FIS1: variants seen among roughly 807,000 people sequenced by gnomAD.
The protein encoded by FIS1 is mitochondrial fission 1 protein.
In FIS1, 16 loss-of-function variants were observed where a neutral mutation model predicts 21.6. That is an observed-to-expected ratio of 0.74 (90% confidence interval 0.50 to 1.12). FIS1 has a LOEUF of 1.12. FIS1 is among the 50% of genes most tolerant of loss of function. FIS1 has a pLI of 0.00. For synonymous variants in FIS1, 92 were observed against 82.2 expected, an observed-to-expected ratio of 1.12 and a Z score of -0.65; for missense variants, 198 against 190.9, an observed-to-expected ratio of 1.04 and a Z score of -0.22.
At chr7:101,239,998 C>T (rs1798717416) in intron 4 of FIS1, 95 bp from the exon 5 acceptor site, 3 of 1,424,938 alleles carry the variant, frequency 2.1e-6, no homozygotes, top group South Asian at 1.2e-5. Context: ...GAGGCACACC[C>T]CTACCTGGAG....
chr7:101,244,794 T>G (rs940500791), intron 1 of FIS1, 166 bp downstream of exon 1: 1 of 761,286 alleles, frequency 1.3e-6, no homozygotes, highest in Admixed American at 2.3e-5. Context: ...CTCTGCGGCA[T>G]AGCAGGCCCT....
intron 3 of FIS1, among the ~76,000 whole-genome samples, 173 bp downstream of exon 3, chr7:101,240,657 T>C (rs1055607878): frequency 6.6e-6 from 1 of 152,140 alleles, no homozygotes; most frequent in Non-Finnish European, 1.5e-5. Context: ...TGACGTCACC[T>C]TCCTCCCCAC....
At chr7:101,241,979 A>C (rs1397904989) in intron 2 of FIS1, among the ~76,000 whole-genome samples, 2 of 150,782 alleles carry the variant, frequency 1.3e-5, no homozygotes, top group Non-Finnish European at 3.0e-5. Flanking sequence ...TCGCTCTGTC[A>C]CTCCAGTCTG....
At chr7:101,241,663 T>TTA (rs1798752161) in intron 2 of FIS1, 1 of 137,370 alleles carries the variant, frequency 7.3e-6, no homozygotes, top group Admixed American at 7.3e-5. Context: ...TTTTTTTTTT[T>TTA]AAAGAGACAG....
rs1798787825 is a variant in FIS1 at position 101,244,482 on chromosome 7, A to G, written c.46-343T>C. On this transcript the variant is annotated intron_variant, in intron 1 of 4. Transcript: ENST00000223136. ...CAACAGCCCACGCGGTCCTCATTTGAGGCTGCTGGCCCCATCCTGCCCCAC... is the reference window on the plus strand; with the variant it reads ...CAACAGCCCACGCGGTCCTCATTTGGGGCTGCTGGCCCCATCCTGCCCCAC... The G allele has an allele frequency of 1.7e-5, 6 of 343,872 alleles. No homozygotes were observed. In the South Asian group the frequency reaches 2.3e-4, roughly 13 times the overall value. 21.3% of individuals were successfully genotyped at this position (343,872 alleles called of 1,614,324 possible). A position where few individuals can be genotyped will look rare whatever the true frequency, so the allele number is the denominator to read the frequency against.
chr7:101,240,573 C>T (rs1443977232), intron 3 of FIS1, among the ~76,000 whole-genome samples: 1 of 152,212 alleles, frequency 6.6e-6, no homozygotes, highest in African/African-American at 2.4e-5. Flanking sequence ...CCCCACCCCA[C>T]GGAGTAGAGT....
chr7:101,240,369 G>A, intron 3 of FIS1, 122 bp from the exon 4 acceptor site: 3 of 910,452 alleles, frequency 3.3e-6, no homozygotes, highest in Non-Finnish European at 5.0e-6. Context: ...CGCAATCACA[G>A]CCCACTGCAA....
Position 101,243,958 on chromosome 7 carries a change from C to T in FIS1, c.178+49G>A, listed in dbSNP as rs777563634. 3.2e-6 allele frequency: 5 copies of T among 1,573,358 alleles called. No homozygotes were observed. The East Asian group carries it at 1.1e-4, about 36-fold the overall frequency. On this transcript the variant is annotated intron_variant, in intron 2 of 4. Transcript: ENST00000223136. Reference sequence around the variant, plus strand: ...GGTGCCTGGACTACGGGGCCCACATCGCAGAGCAGCCCAGATGGCAGCGGG... The same window carrying T: ...GGTGCCTGGACTACGGGGCCCACATTGCAGAGCAGCCCAGATGGCAGCGGG...
chr7:101,239,742 G>T lies in FIS1; in HGVS notation c.*64C>A. ...AGAGACGGGGGGCAGGGGGAGAACAGGGAAAGGACAGCGAGGATGGACAGG... is the reference window on the plus strand; with the variant it reads ...AGAGACGGGGGGCAGGGGGAGAACATGGAAAGGACAGCGAGGATGGACAGG... On this transcript the variant is annotated 3_prime_UTR_variant, in exon 5 of 5. Transcript: ENST00000223136. The T allele has an allele frequency of 7.3e-7, 1 of 1,377,920 alleles. No individual in the cohort carries two copies. The allele number at this position is 1,377,920 out of a possible 1,614,324, so 85.4% of individuals were successfully genotyped here. A position where few individuals can be genotyped will look rare whatever the true frequency, so the allele number is the denominator to read the frequency against.
Position 101,240,838 on chromosome 7 carries a change from G to C in FIS1, c.247C>G (p.Arg83Gly). The change falls in exon 3 of 5, where the codon CGG becomes GGG. Residue 83 changes from arginine to glycine, a missense_variant. By Grantham distance (125) the Arg-to-Gly change is moderately radical (BLOSUM62 -2). Transcript: ENST00000223136. The stretch of plus-strand genomic sequence containing the variant: ...CGGGGTCCCCACCTCACCTTGAGCC[G>C]GTAGTTCCCCACGGCCAGGTAGAAG... ...YVFYLAVGNY[R>G]LKEYEKALKY... 1 of 1,613,914 alleles carries C rather than the reference G, an allele frequency of 6.2e-7. No individual in the cohort carries two copies. The highest frequency in any genetic ancestry group is 8.5e-7 in the Non-Finnish European group (1 of 1,180,030).
At chr7:101,240,346 T>G in intron 3 of FIS1, 99 bp from the exon 4 acceptor site, 1 of 1,241,290 alleles carries the variant, frequency 8.1e-7, no homozygotes, top group Non-Finnish European at 1.2e-6. Flanking sequence ...TTGCCCACGC[T>G]GGACGGCAGC....
Position 101,239,642 on chromosome 7 carries a change from C to T in FIS1, c.*164G>A, listed in dbSNP as rs1463324676. ...AAGCCACAGCCCCGTTTTATTTACA[C>T]TCATCCCAAAGCACATGATGGGGCT... On this transcript the variant is annotated 3_prime_UTR_variant, in exon 5 of 5. Transcript: ENST00000223136. The T allele has an allele frequency of 1.4e-6, 1 of 700,078 alleles. No individual in the cohort carries two copies. Among genetic ancestry groups the T allele is most frequent in the African/African-American group, 1.8e-5 (1 of 57,118 alleles). The allele number at this position is 700,078 out of a possible 1,614,324, so 43.4% of individuals were successfully genotyped here.
rs145218792 is a variant in FIS1 at position 101,239,509 on chromosome 7, T to C, written c.*297A>G. On this transcript the variant is annotated 3_prime_UTR_variant, in exon 5 of 5. Coordinates refer to ENST00000223136, the MANE Select transcript of FIS1 (RefSeq NM_016068.3). ...GCTGCGGGGTGGACAAAGAACCCCG[T>C]GCCAACCTGGAGGGCAGGGGCAGGA... is the stretch of plus-strand genomic sequence containing the variant. The C allele has an allele frequency of 0.018, 8,374 of 472,124 alleles. 127 individuals carry two copies. Among genetic ancestry groups the C allele is most frequent in the Middle Eastern group, 0.064 (102 of 1,606 alleles). The allele number at this position is 472,124 out of a possible 1,614,324, so 29.2% of individuals were successfully genotyped here. A position where few individuals can be genotyped will look rare whatever the true frequency, so the allele number is the denominator to read the frequency against.
At chr7:101,240,749 C>T (rs1372694359) in intron 3 of FIS1, 81 bp downstream of exon 3, 1 of 1,400,962 alleles carries the variant, frequency 7.1e-7, no homozygotes, top group East Asian at 2.3e-5. Flanking sequence ...TTCCCGCTGT[C>T]CAGGGCTCCA....
At chr7:101,239,945 G>A (rs1798715598) in intron 4 of FIS1, 42 bp from the exon 5 acceptor site, 6 of 1,541,410 alleles carry the variant, frequency 3.9e-6, no homozygotes, top group Non-Finnish European at 4.4e-6. Context: ...CGGCCCCTGC[G>A]GAAACCCTGA....
intron 2 of FIS1, 76 bp downstream of exon 2, chr7:101,243,931 G>C (rs1459856464): frequency 6.6e-7 from 1 of 1,526,702 alleles, no homozygotes; most frequent in South Asian, 1.2e-5. Context: ...AGACAACTCA[G>C]AGGTGCCTGG....
Position 101,240,835 on chromosome 7 carries a change from G to A in FIS1, c.250C>T (p.Leu84Phe). ...VFYLAVGNYR[L>F]KEYEKALKYV... ...GAACGGGGTCCCCACCTCACCTTGAGCCGGTAGTTCCCCACGGCCAGGTAG... is the reference window on the plus strand; with the variant it reads ...GAACGGGGTCCCCACCTCACCTTGAACCGGTAGTTCCCCACGGCCAGGTAG... Residue 84 changes from leucine (L) to phenylalanine (F), a missense_variant, in exon 3 of 5, where the codon CTC (leucine) becomes TTC (phenylalanine). By Grantham distance (22) the Leu-to-Phe change is conservative. Transcript: ENST00000223136. 6.2e-7 allele frequency: 1 copy of A among 1,613,866 alleles called. No individual in the cohort carries two copies.
intron 3 of FIS1, 119 bp downstream of exon 3, chr7:101,240,711 C>G: frequency 2.1e-6 from 2 of 930,844 alleles, no homozygotes; most frequent in Non-Finnish European, 3.5e-6. Context: ...CATCTGACAC[C>G]GCTCTGCACC....
chr7:101,244,962 G>T lies in FIS1; in HGVS notation c.43C>A (p.Leu15Met), dbSNP rs1372498219. Residue 15 changes from leucine (L) to methionine (M), a missense_variant and splice_region_variant, in exon 1 of 5, where the codon CTG (leucine) becomes ATG (methionine). Leu to Met is a conservative substitution (Grantham distance 15). Transcript: ENST00000223136. The stretch of plus-strand genomic sequence containing the variant: ...CCTCTGTCCGGGCCAGGCCTCACCA[G>T]CAGGTCCTCCACAGACACCAGCTCG... ...LNELVSVEDL[L>M]KFEKKFQSEK... 4.3e-6 allele frequency: 7 copies of T among 1,614,038 alleles called. No individual in the cohort carries two copies. Among genetic ancestry groups the T allele is most frequent in the Non-Finnish European group, 5.9e-6 (7 of 1,179,946 alleles).
Sources: allele counts gnomAD v4.1 joint callset (sites outside exome capture counted in the v4.1 genomes callset), GRCh38; gene constraint gnomAD v4.1.1; transcripts MANE v1.5; gene names NCBI Gene and HGNC (gene_info 2026-07-23, HGNC 2026-07-21).